IGSF11: variants seen among roughly 807,000 people sequenced by gnomAD.
The protein encoded by IGSF11 is immunoglobulin superfamily member 11.
Under a neutral mutation model 41.0 loss-of-function variants are expected in IGSF11, and 22 were observed. The ratio of observed to expected loss-of-function variants is 0.54; its 90% confidence interval spans 0.38 to 0.77. IGSF11 has a LOEUF of 0.77. Ranked by LOEUF, IGSF11 falls within the 30% of genes least tolerant of loss-of-function variation. The pLI is 0.00. For missense variants in IGSF11, 444 were observed against 530.8 expected (o/e 0.84, Z 1.61); for synonymous variants, 219 against 201.3 (o/e 1.09, Z -0.74).
chr3:118,964,885 C>T (rs971545566), intron 1 of IGSF11, among the ~76,000 whole-genome samples: 1 of 152,160 alleles, frequency 6.6e-6, no homozygotes, highest in Non-Finnish European at 1.5e-5. Context: ...TGATATGGTT[C>T]AGACTGGAAA....
chr3:119,056,500 A>C (rs535799436), intron 1 of IGSF11, among the ~76,000 whole-genome samples: 3 of 152,330 alleles, frequency 2.0e-5, no homozygotes, highest in East Asian at 1.9e-4. Flanking sequence ...AACCAAAAAA[A>C]GTCCAGGACC....
At chr3:119,111,386 C>T (rs1356204788) in intron 1 of IGSF11, among the ~76,000 whole-genome samples, 2 of 152,208 alleles carry the variant, frequency 1.3e-5, no homozygotes, top group Non-Finnish European at 2.9e-5. Context: ...ATCGCATCAG[C>T]TCCTGAGGCT....
At chr3:119,137,495 G>A (rs1235674466) in intron 1 of IGSF11, among the ~76,000 whole-genome samples, 2 of 152,158 alleles carry the variant, frequency 1.3e-5, no homozygotes, top group Non-Finnish European at 2.9e-5. Flanking sequence ...AATAAATGAT[G>A]CAGGGAAAAT....
Position 118,910,524 on chromosome 3 carries a change from T to C in IGSF11, c.581-4806A>G, listed in dbSNP as rs1940145457. On this transcript the variant is annotated intron_variant, in intron 4 of 6. Transcript: ENST00000393775. ...CTTGATGGGGCTATTAACAAAGCCT[T>C]CCATTTATGACTGGCTGCCAATCTT... is the stretch of plus-strand genomic sequence containing the variant. 2.0e-5 allele frequency among the ~76,000 whole-genome samples: 3 copies of C among 152,320 alleles called. No individual in the cohort carries two copies. The South Asian group carries it at 6.2e-4, about 32-fold the overall frequency.
At chr3:119,117,574 G>A (rs2077276016) in intron 1 of IGSF11, among the ~76,000 whole-genome samples, 1 of 152,172 alleles carries the variant, frequency 6.6e-6, no homozygotes, top group African/African-American at 2.4e-5. Flanking sequence ...AGATTTGGGT[G>A]GAGACACAGC....
intron 1 of IGSF11, among the ~76,000 whole-genome samples, chr3:119,087,600 C>G (rs62273470): frequency 6.6e-6 from 1 of 151,816 alleles, no homozygotes; most frequent in African/African-American, 2.4e-5. Flanking sequence ...AAGAATGATA[C>G]CCTGGACTTT....
chr3:118,931,627 C>T (rs894142389), intron 1 of IGSF11, among the ~76,000 whole-genome samples: 7 of 152,040 alleles, frequency 4.6e-5, no homozygotes, highest in South Asian at 2.1e-4. Flanking sequence ...TAGTACCACC[C>T]GGGGATACAC....
At chr3:118,931,446 T>C (rs968921572) in intron 1 of IGSF11, among the ~76,000 whole-genome samples, 2 of 152,144 alleles carry the variant, frequency 1.3e-5, no homozygotes, top group Non-Finnish European at 2.9e-5. Context: ...ATGTGATCTA[T>C]CCATACAACA....
At chr3:119,045,614 A>C (rs13100321) in intron 1 of IGSF11, among the ~76,000 whole-genome samples, 5 of 151,098 alleles carry the variant, frequency 3.3e-5, no homozygotes, top group Non-Finnish European at 5.9e-5. Flanking sequence ...CAAAGCAGCC[A>C]AGAAGCTCCA....
intron 1 of IGSF11, among the ~76,000 whole-genome samples, chr3:119,041,415 C>G (rs1028235388): frequency 2.6e-5 from 4 of 152,054 alleles, no homozygotes; most frequent in Non-Finnish European, 5.9e-5. Context: ...AACCCCATCT[C>G]TACTAAAAAT....
intron 4 of IGSF11, among the ~76,000 whole-genome samples, chr3:118,905,970 T>C (rs186982657): frequency 5.6e-4 from 85 of 152,306 alleles, no homozygotes; most frequent in African/African-American, 2.0e-3. Flanking sequence ...CAGGTAAGCA[T>C]GTAAAGTCCT....
intron 1 of IGSF11, among the ~76,000 whole-genome samples, chr3:119,138,396 C>T (rs921244879): frequency 1.3e-5 from 2 of 152,080 alleles, no homozygotes; most frequent in Admixed American, 6.6e-5. Flanking sequence ...CCATAAAAAA[C>T]GAATGGGGCC....
In IGSF11 at chr3:118,902,643, T is replaced by A; in HGVS notation, c.1173A>T (p.Ser391=). ...SPQVMSRSNG[S]VSRKPRPPHT... ...GTGGAGGCCGAGGCTTCCTACTGAC[T>A]GAGCCATTGCTCCTGGACATCACCT... is the stretch of plus-strand genomic sequence containing the variant. The change falls in exon 7 of 7, where the codon TCA becomes TCT. Residue 391 remains serine, a synonymous_variant. Transcript: ENST00000393775. The A allele has an allele frequency of 2.5e-6, 4 of 1,614,148 alleles. No individual in the cohort carries two copies. Among genetic ancestry groups the A allele is most frequent in the Non-Finnish European group, 3.4e-6 (4 of 1,179,998 alleles).
chr3:118,986,069 T>C (rs1178721804), intron 1 of IGSF11, among the ~76,000 whole-genome samples: 1 of 152,190 alleles, frequency 6.6e-6, no homozygotes, highest in Non-Finnish European at 1.5e-5. Context: ...AATTTGCAGT[T>C]ACACTTGTTA....
At chr3:119,013,120 T>TC (rs937495569) in intron 1 of IGSF11, 83 of 152,410 alleles carry the variant, frequency 5.4e-4, no homozygotes, top group African/African-American at 1.8e-3. Flanking sequence ...CCCTCTCCTT[T>TC]CCCCATTACC....
chr3:119,056,899 A>T (rs1941863015), intron 1 of IGSF11, among the ~76,000 whole-genome samples: 1 of 152,236 alleles, frequency 6.6e-6, no homozygotes, highest in Non-Finnish European at 1.5e-5. Flanking sequence ...AGATGCAGAA[A>T]AGGCCTTTGA....
chr3:119,055,563 G>A (rs926444860), intron 1 of IGSF11, among the ~76,000 whole-genome samples: 1 of 152,098 alleles, frequency 6.6e-6, no homozygotes, highest in Non-Finnish European at 1.5e-5. Flanking sequence ...ACAGAACAAC[G>A]AGACAGAAAG....
chr3:119,033,433 C>G (rs1248118973), intron 1 of IGSF11, among the ~76,000 whole-genome samples: 1 of 152,130 alleles, frequency 6.6e-6, no homozygotes, highest in Non-Finnish European at 1.5e-5. Context: ...TAAAAATATA[C>G]CTACTGAACT....
intron 1 of IGSF11, among the ~76,000 whole-genome samples, chr3:119,060,306 G>A (rs1942012634): frequency 6.6e-6 from 1 of 152,098 alleles, no homozygotes; most frequent in African/African-American, 2.4e-5. Flanking sequence ...CCTACCTAAT[G>A]AGAGCCATCA....
Sources: allele counts gnomAD v4.1 joint callset (sites outside exome capture counted in the v4.1 genomes callset), GRCh38; gene constraint gnomAD v4.1.1; transcripts MANE v1.5; gene names NCBI Gene and HGNC (gene_info 2026-07-23, HGNC 2026-07-21).